CASP6: variants seen among roughly 807,000 people sequenced by gnomAD.
CASP6 encodes caspase 6, also known as caspase-6.
Under a neutral mutation model 31.8 loss-of-function variants are expected in CASP6, and 20 were observed. That is an observed-to-expected ratio of 0.63 (90% CI 0.44 to 0.91). The LOEUF (loss-of-function observed/expected upper bound fraction) is 0.91. CASP6 is among the 40% of genes least tolerant of loss of function. The pLI, the probability that CASP6 is intolerant of heterozygous loss-of-function variation, is 0.00. For missense variants in CASP6, 328 were observed against 361.1 expected (o/e 0.91, Z 0.74); for synonymous variants, 130 against 127.8 (o/e 1.02, Z -0.12).
rs61007363 is a variant in CASP6 at position 109,690,247 on chromosome 4, A to AAAAACAC, written c.643+602_643+603insGTGTTTT. Among the ~76,000 whole-genome samples, 581 of 143,368 alleles carry AAAAACAC rather than the reference A, an allele frequency of 4.1e-3. 8 individuals are homozygous for AAAAACAC. The highest frequency in any genetic ancestry group is 9.5e-3 in the African/African-American group (359 of 37,834). The allele number at this position is 143,368 out of a possible 152,430, so 94.1% of individuals were successfully genotyped here. A position where few individuals can be genotyped will look rare whatever the true frequency, so the allele number is the denominator to read the frequency against. On this transcript the variant is annotated intron_variant, in intron 6 of 6. Transcript: ENST00000265164. Reference sequence around the variant, plus strand: ...ACAGAGTGAGACTATAAAAAAAAAAAACGCACGCACGCACGCAATGGCTCA... The same window carrying AAAAACAC: ...ACAGAGTGAGACTATAAAAAAAAAAAAAAACACACGCACGCACGCACGCAATGGCTCA...
the CASP6 span, among the ~76,000 whole-genome samples, chr4:109,666,614 TC>T: frequency 6.6e-6 from 1 of 152,222 alleles, no homozygotes; most frequent in African/African-American, 2.4e-5. Context: ...TCTTTTCAGA[TC>T]TTTGCCCATT....
At chr4:109,704,489 T>A (rs1364813891), upstream of CASP6, among the ~76,000 whole-genome samples, 1 of 152,152 alleles carries the variant, frequency 6.6e-6, no homozygotes, top group Non-Finnish European at 1.5e-5. Flanking sequence ...CAAAGCCTAA[T>A]CCAGAGCAAG....
chr4:109,673,706 A>G, the CASP6 span: 1 of 486,734 alleles, frequency 2.1e-6, no homozygotes, highest in African/African-American at 2.0e-5. Context: ...TGGATTTGAA[A>G]ATTTGGGGTA....
At chr4:109,681,228 C>T in the CASP6 span, among the ~76,000 whole-genome samples, 1 of 152,016 alleles carries the variant, frequency 6.6e-6, no homozygotes, top group African/African-American at 2.4e-5. Context: ...GCATCTTCTA[C>T]AAAGAATAAT....
At chr4:109,680,863 C>T in the CASP6 span, among the ~76,000 whole-genome samples, 3 of 152,174 alleles carry the variant, frequency 2.0e-5, no homozygotes, top group South Asian at 6.2e-4. Flanking sequence ...CTCAGGTTCT[C>T]TTAACAGTGA....
At chr4:109,705,372 T>A (rs528969167), upstream of CASP6, among the ~76,000 whole-genome samples, 62 of 152,326 alleles carry the variant, frequency 4.1e-4, no homozygotes, top group Middle Eastern at 0.024. Flanking sequence ...CACCTGGTCA[T>A]CCAAGAGTTC....
rs372919189 is a variant in CASP6, at chr4:109,693,165, CA to C, written c.483+1359del. Among the ~76,000 whole-genome samples, 30 of 152,272 alleles carry C rather than the reference CA, an allele frequency of 2.0e-4. 1 individual carries two copies. Among genetic ancestry groups the C allele is most frequent in the African/African-American group, 6.0e-4 (25 of 41,542 alleles). On this transcript the variant is annotated intron_variant, in intron 5 of 6. Transcript: ENST00000265164. The stretch of plus-strand genomic sequence containing the variant: ...ATGCTGGCTCTCTGTCACCTTCCAC[CA>C]TAATTGTAAGCTTCCTAAGGCCTCA...
downstream of CASP6, chr4:109,684,705 TAAGC>T: frequency 2.5e-6 from 2 of 811,664 alleles, no homozygotes; most frequent in South Asian, 3.4e-5. Flanking sequence ...ATGTCTTATC[TAAGC>T]AATGAGCAAA....
Position 109,699,112 on chromosome 4 carries a change from T to C in CASP6, c.41-770A>G, listed in dbSNP as rs117027585. Among the ~76,000 whole-genome samples, 42 of 152,366 alleles carry C rather than the reference T, an allele frequency of 2.8e-4. No individual in the cohort carries two copies. The East Asian group carries it at 4.6e-3, about 17-fold the overall frequency. ...CGATTTTATTGTCAATTTAAATGAA[T>C]TGGCCAGTGGCTTCTACACTGGACA... On this transcript the variant is annotated intron_variant, in intron 1 of 6. Coordinates refer to ENST00000265164, the MANE Select transcript of CASP6 (RefSeq NM_001226.4).
the CASP6 span, among the ~76,000 whole-genome samples, chr4:109,680,968 G>A: frequency 6.6e-6 from 1 of 152,192 alleles, no homozygotes; most frequent in Non-Finnish European, 1.5e-5. Flanking sequence ...CATGGAGGAG[G>A]TGGGATGAGG....
At chr4:109,678,036 C>T in the CASP6 span, among the ~76,000 whole-genome samples, 1 of 151,842 alleles carries the variant, frequency 6.6e-6, no homozygotes, top group Non-Finnish European at 1.5e-5. Context: ...AGTATGCTGC[C>T]TTCAGGCATC....
chr4:109,699,649 T>G (rs1458159830), intron 1 of CASP6, among the ~76,000 whole-genome samples: 1 of 152,140 alleles, frequency 6.6e-6, no homozygotes, highest in African/African-American at 2.4e-5. Context: ...CAGCTGCATT[T>G]TTCACAAAGT....
At chr4:109,703,533 G>T, upstream of CASP6, 2 of 1,096,696 alleles carry the variant, frequency 1.8e-6, no homozygotes, top group Non-Finnish European at 2.6e-6. Flanking sequence ...TTCTGATTGC[G>T]CGCCGCCCGG....
At chr4:109,693,731 CAAA>C in intron 5 of CASP6, among the ~76,000 whole-genome samples, 1 of 142,076 alleles carries the variant, frequency 7.0e-6, no homozygotes, top group Non-Finnish European at 1.5e-5. Context: ...AATATTCATG[CAAA>C]AAAAAAAATT....
chr4:109,707,750 TCA>T (rs1333044467), upstream of CASP6, among the ~76,000 whole-genome samples: 5 of 152,128 alleles, frequency 3.3e-5, no homozygotes, highest in African/African-American at 1.2e-4. Context: ...ATGCAGAAAT[TCA>T]CAGAATGATG....
At position 109,688,701 on chromosome 4, in the gene CASP6, A is replaced by AGTC. The variant is rs1283273976; in HGVS notation, c.*628_*629insGAC. On this transcript the variant is annotated 3_prime_UTR_variant, in exon 7 of 7. Transcript: ENST00000265164. ...AAACCTTTAAAAACATCAAACAATA[A>AGTC]ACTTTTATAAAAAAGTGACAAAATA... 1.3e-5 allele frequency: 2 copies of AGTC among 152,194 alleles called. No homozygotes were observed. Among genetic ancestry groups the AGTC allele is most frequent in the African/African-American group, 4.8e-5 (2 of 41,450 alleles). 9.4% of individuals were successfully genotyped at this position (152,194 alleles called of 1,614,324 possible). A position where few individuals can be genotyped will look rare whatever the true frequency, so the allele number is the denominator to read the frequency against.
At chr4:109,681,924 A>G in the CASP6 span, among the ~76,000 whole-genome samples, 1 of 152,216 alleles carries the variant, frequency 6.6e-6, no homozygotes, top group African/African-American at 2.4e-5. Flanking sequence ...TCCCATACGA[A>G]GGGAGGGGAC....
At chr4:109,681,115 A>G in the CASP6 span, among the ~76,000 whole-genome samples, 1 of 152,236 alleles carries the variant, frequency 6.6e-6, no homozygotes, top group East Asian at 1.9e-4. Flanking sequence ...ACTAAGAAGA[A>G]AACAAACAGT....
At chr4:109,682,708 A>G in the CASP6 span, 2 of 1,613,822 alleles carry the variant, frequency 1.2e-6, no homozygotes, top group Non-Finnish European at 1.7e-6. Flanking sequence ...GAGAAAATTG[A>G]CCACCTGAAG....
Sources: allele counts gnomAD v4.1 joint callset (sites outside exome capture counted in the v4.1 genomes callset), GRCh38; gene constraint gnomAD v4.1.1; transcripts MANE v1.5; gene names NCBI Gene and HGNC (gene_info 2026-07-23, HGNC 2026-07-21).